STARD13: variants seen among roughly 807,000 people sequenced by gnomAD.
STARD13 encodes stAR-related lipid transfer protein 13.
STARD13 carries 62 observed loss-of-function variants against 106.4 expected under a neutral mutation model. The observed-to-expected ratio is 0.58, with a 90% CI of 0.48 to 0.72. The LOEUF (loss-of-function observed/expected upper bound fraction) is 0.72, where lower values mean the gene tolerates loss of function less well. STARD13 is among the 30% of genes least tolerant of loss of function. The probability of loss-of-function intolerance (pLI) is 0.00; values close to 1 mark genes in which losing one functional copy is unlikely to be tolerated. For missense variants in STARD13, 1,387 were observed against 1,424.0 expected, an observed-to-expected ratio of 0.97 and a Z score of 0.42; for synonymous variants, 565 against 553.0, an observed-to-expected ratio of 1.02 and a Z score of -0.31.
At chr13:33,593,832 C>A in the STARD13 span, among the ~76,000 whole-genome samples, 1,828 of 152,240 alleles carry the variant, frequency 0.012, 32 homozygotes, top group African/African-American at 0.041. Flanking sequence ...GTCCCCATCT[C>A]CCTTACCCAG....
chr13:33,325,785 G>A (rs1482278298), intron 1 of STARD13, among the ~76,000 whole-genome samples: 2 of 152,002 alleles, frequency 1.3e-5, no homozygotes, highest in African/African-American at 2.4e-5. Context: ...ACGAGGTCAG[G>A]AGATCGAGAC....
At chr13:33,515,858 C>T in the STARD13 span, among the ~76,000 whole-genome samples, 1,348 of 152,078 alleles carry the variant, frequency 8.9e-3, 20 homozygotes, top group African/African-American at 0.03. Context: ...AAGATGCTTT[C>T]GACAGAAAGA....
chr13:33,169,000 C>CTAATCTA (rs1207562526), intron 1 of STARD13, among the ~76,000 whole-genome samples: 1 of 152,210 alleles, frequency 6.6e-6, no homozygotes, highest in Non-Finnish European at 1.5e-5. Flanking sequence ...CTGTCATCCC[C>CTAATCTA]TAATCTACTG....
chr13:33,285,863 A>T (rs2138417009), upstream of STARD13: 1 of 1,065,220 alleles, frequency 9.4e-7, no homozygotes, highest in African/African-American at 1.6e-5. Context: ...GAACGTTTGC[A>T]GTCAGCCCTA....
the STARD13 span, among the ~76,000 whole-genome samples, chr13:33,627,938 C>T: frequency 2.7e-4 from 41 of 151,160 alleles, no homozygotes; most frequent in African/African-American, 8.5e-4. Flanking sequence ...ATTTACTTTG[C>T]GTAATTTTAG....
chr13:33,166,133 C>G (rs1226806467), intron 2 of STARD13, among the ~76,000 whole-genome samples: 6 of 152,034 alleles, frequency 3.9e-5, no homozygotes, highest in Non-Finnish European at 8.8e-5. Context: ...TTTATCTCAT[C>G]TTGTATTTTG....
intron 13 of STARD13, among the ~76,000 whole-genome samples, chr13:33,106,270 A>G (rs1190461722): frequency 1.3e-5 from 2 of 152,168 alleles, no homozygotes; most frequent in African/African-American, 2.4e-5. Context: ...AACATACAAA[A>G]ATTAGCTGAG....
intron 3 of STARD13, among the ~76,000 whole-genome samples, chr13:33,160,284 T>A (rs538924406): frequency 6.6e-6 from 1 of 152,304 alleles, no homozygotes; most frequent in East Asian, 1.9e-4. Flanking sequence ...TTGTTCTTTC[T>A]ATAAAAATGA....
the STARD13 span, among the ~76,000 whole-genome samples, chr13:33,406,957 A>G: frequency 2.0e-5 from 3 of 152,292 alleles, no homozygotes; most frequent in Admixed American, 6.5e-5. Flanking sequence ...TGAATTCACA[A>G]ATACTGAATC....
chr13:33,108,614 G>A (rs776256016), intron 12 of STARD13, among the ~76,000 whole-genome samples: 4 of 152,210 alleles, frequency 2.6e-5, no homozygotes, highest in Non-Finnish European at 5.9e-5. Flanking sequence ...GGCATACCCA[G>A]AGCCTATTGC....
At chr13:33,416,848 G>A in the STARD13 span, among the ~76,000 whole-genome samples, 43 of 152,208 alleles carry the variant, frequency 2.8e-4, no homozygotes, top group East Asian at 2.7e-3. Context: ...TAGATAAATT[G>A]GAATTTATGA....
At chr13:33,413,359 A>T in the STARD13 span, among the ~76,000 whole-genome samples, 6 of 152,076 alleles carry the variant, frequency 3.9e-5, no homozygotes, top group African/African-American at 1.4e-4. Flanking sequence ...GAATCTAGGG[A>T]AAAAAAGCAA....
the STARD13 span, chr13:33,611,217 T>G: frequency 6.6e-6 from 1 of 152,348 alleles, no homozygotes. Flanking sequence ...GCTGGCAGGC[T>G]CCCCCAGTGC....
the STARD13 span, among the ~76,000 whole-genome samples, chr13:33,519,238 TTCTTTC>T: frequency 6.6e-6 from 1 of 150,662 alleles, no homozygotes; most frequent in African/African-American, 2.5e-5. Flanking sequence ...CTTTCTTTCT[TTCTTTC>T]TTTCTTTCTT....
At chr13:33,201,473 T>G (rs1372618408) in intron 1 of STARD13, among the ~76,000 whole-genome samples, 1 of 152,246 alleles carries the variant, frequency 6.6e-6, no homozygotes, top group Non-Finnish European at 1.5e-5. Flanking sequence ...AAAAAGAGAT[T>G]AAATGAGAGA....
chr13:33,561,632 C>T, the STARD13 span, among the ~76,000 whole-genome samples: 1 of 120,284 alleles, frequency 8.3e-6, no homozygotes, highest in Non-Finnish European at 1.8e-5. Context: ...ATACCATGAA[C>T]AGCCGTGAAT....
At chr13:33,247,103 A>C (rs1889861003) in intron 1 of STARD13, among the ~76,000 whole-genome samples, 1 of 152,124 alleles carries the variant, frequency 6.6e-6, no homozygotes, top group Non-Finnish European at 1.5e-5. Flanking sequence ...AGGCTGAGGC[A>C]GGAGAATGGC....
the STARD13 span, among the ~76,000 whole-genome samples, chr13:33,427,831 T>A: frequency 6.6e-6 from 1 of 151,978 alleles, no homozygotes. Context: ...GATGCATGCC[T>A]GTAATCCTAG....
the STARD13 span, among the ~76,000 whole-genome samples, chr13:33,576,985 A>G: frequency 1.3e-5 from 2 of 152,166 alleles, no homozygotes; most frequent in Non-Finnish European, 2.9e-5. Context: ...AAACTCCCTT[A>G]AAGTTTTATG....
Sources: allele counts gnomAD v4.1 joint callset (sites outside exome capture counted in the v4.1 genomes callset), GRCh38; gene constraint gnomAD v4.1.1; transcripts MANE v1.5; gene names NCBI Gene and HGNC (gene_info 2026-07-23, HGNC 2026-07-21).